Variants in SYNE2 observed in about 807,000 individuals in gnomAD.
SYNE2 encodes nesprin-2.
In SYNE2, 431 loss-of-function variants were observed where a neutral mutation model predicts 856.3. The observed-to-expected ratio is 0.50, with a 90% confidence interval of 0.47 to 0.55. SYNE2 has a LOEUF of 0.55. Ranked by LOEUF, SYNE2 falls within the 20% of genes least tolerant of loss-of-function variation. SYNE2 has a pLI of 0.00. For missense variants in SYNE2, 8,129 were observed against 8,023.2 expected (o/e 1.01, Z -0.50); for synonymous variants, 2,923 against 2,872.3 (o/e 1.02, Z -0.56).
chr14:63,887,395 G>A (rs1283192654), intron 1 of SYNE2, among the ~76,000 whole-genome samples: 1 of 152,116 alleles, frequency 6.6e-6, no homozygotes, highest in Admixed American at 6.5e-5. Flanking sequence ...TTTCCATACC[G>A]TCAGAGAACA....
chr14:64,143,700 C>T (rs1292120090), intron 82 of SYNE2, 72 bp from the exon 83 acceptor site: 16 of 1,539,118 alleles, frequency 1.0e-5, no homozygotes, highest in Non-Finnish European at 1.4e-5. Flanking sequence ...CCCCCTCGAG[C>T]ACATAAAGGG....
intron 2 of SYNE2, among the ~76,000 whole-genome samples, chr14:63,935,668 G>A (rs2095821518): frequency 6.6e-6 from 1 of 152,128 alleles, no homozygotes. Flanking sequence ...AACTCATAAA[G>A]GTAGATTTGC....
At chr14:63,798,779 C>T (rs890935890) in intron 1 of SYNE2, among the ~76,000 whole-genome samples, 4 of 152,108 alleles carry the variant, frequency 2.6e-5, no homozygotes, top group African/African-American at 9.7e-5. Flanking sequence ...TATCTCCAAG[C>T]ATGTTTAAGA....
At chr14:64,060,751 C>G (rs1360057443) in intron 49 of SYNE2, among the ~76,000 whole-genome samples, 2 of 152,132 alleles carry the variant, frequency 1.3e-5, no homozygotes, top group African/African-American at 2.4e-5. Context: ...GTCTCGACAA[C>G]CTTTCAAGTT....
chr14:63,807,691 G>A (rs1420163744), intron 1 of SYNE2, among the ~76,000 whole-genome samples: 1 of 147,298 alleles, frequency 6.8e-6, no homozygotes, highest in Non-Finnish European at 1.5e-5. Flanking sequence ...TTGAAACAAG[G>A]TGTCACTCTG....
chr14:63,831,977 G>A (rs1889685149), intron 1 of SYNE2, among the ~76,000 whole-genome samples: 1 of 151,828 alleles, frequency 6.6e-6, no homozygotes, highest in Non-Finnish European at 1.5e-5. Flanking sequence ...TATAGACACT[G>A]TGTTTAGATT....
chr14:63,841,882 G>C (rs1261552113), intron 1 of SYNE2, among the ~76,000 whole-genome samples: 1 of 140,264 alleles, frequency 7.1e-6, no homozygotes, highest in African/African-American at 2.7e-5. Context: ...GCCCAGGCTG[G>C]AGTGCAGTGG....
At chr14:64,072,399 G>A (rs75451765) in intron 52 of SYNE2, among the ~76,000 whole-genome samples, 8 of 152,234 alleles carry the variant, frequency 5.3e-5, no homozygotes, top group South Asian at 4.1e-4. Context: ...CTATCCACCC[G>A]GAGACAGCAT....
chr14:63,838,430 A>T (rs1466080379), intron 1 of SYNE2, among the ~76,000 whole-genome samples: 2 of 152,152 alleles, frequency 1.3e-5, no homozygotes, highest in South Asian at 4.1e-4. Context: ...TTATAAGTAA[A>T]TTATTCATTA....
Position 64,048,357 on chromosome 14 carries a change from G to A in SYNE2, c.7377+202G>A, listed in dbSNP as rs1890907. ...ATTTAGAAAGTAGAAGAGTTAAAGG[G>A]ACATTAGTCTTCTTTCTATTTCACA... On this transcript the variant is annotated intron_variant, in intron 46 of 115. Coordinates refer to ENST00000555002, the MANE Select transcript of SYNE2 (RefSeq NM_182914.3). The A allele has an allele frequency of 0.91, 404,114 of 443,632 alleles. 184,455 individuals are homozygous for A. Among genetic ancestry groups the A allele is most frequent in the Non-Finnish European group, 0.94 (237,405 of 252,870 alleles). The allele number at this position is 443,632 out of a possible 1,614,324, so 27.5% of individuals were successfully genotyped here. A position where few individuals can be genotyped will look rare whatever the true frequency, so the allele number is the denominator to read the frequency against.
chr14:63,763,634 G>T (rs1432008453), intron 1 of SYNE2, among the ~76,000 whole-genome samples: 3 of 152,184 alleles, frequency 2.0e-5, no homozygotes, highest in South Asian at 2.1e-4. Flanking sequence ...AGGATTGCTT[G>T]ATACCAGGAG....
intron 51 of SYNE2, among the ~76,000 whole-genome samples, chr14:64,070,188 G>A (rs1047140771): frequency 6.6e-6 from 1 of 152,172 alleles, no homozygotes; most frequent in Non-Finnish European, 1.5e-5. Context: ...GTGTGTCAGG[G>A]TAATGAGAAC....
intron 1 of SYNE2, among the ~76,000 whole-genome samples, chr14:63,862,094 T>A (rs142413932): frequency 2.2e-4 from 34 of 152,316 alleles, no homozygotes; most frequent in African/African-American, 7.5e-4. Flanking sequence ...ATAATTGGAT[T>A]TTAAATTATT....
chr14:64,183,747 C>G (rs1156519832), intron 96 of SYNE2, among the ~76,000 whole-genome samples: 2 of 152,058 alleles, frequency 1.3e-5, no homozygotes, highest in Non-Finnish European at 2.9e-5. Flanking sequence ...AACTCCGTCT[C>G]CACCAAAAAA....
intron 53 of SYNE2, 115 bp from the exon 54 acceptor site, chr14:64,075,830 C>A: frequency 1.7e-6 from 2 of 1,145,582 alleles, no homozygotes; most frequent in Non-Finnish European, 2.6e-6. Flanking sequence ...GGGGTTTTGT[C>A]ATGCAAACTG....
In SYNE2 at chr14:64,137,817, GC is replaced by G; in HGVS notation, c.14680del (p.Arg4894GlyfsTer6). ...QIKRNIGGKH[A>X]RLYQTLNEGK... ...AAAAAGAAACATTGGTGGAAAACAC[GC>G]CCGGCTTTACCAAACTCTGAACGAA... On this transcript the variant is annotated frameshift_variant, in exon 79 of 116. Coordinates refer to ENST00000555002, the MANE Select transcript of SYNE2 (RefSeq NM_182914.3). LOFTEE classifies it high-confidence loss of function. 1 of 1,614,106 alleles carries G rather than the reference GC, an allele frequency of 6.2e-7. No individual in the cohort carries two copies. The highest frequency in any genetic ancestry group is 8.5e-7 in the Non-Finnish European group (1 of 1,180,010).
intron 100 of SYNE2, among the ~76,000 whole-genome samples, chr14:64,206,831 T>C (rs994857380): frequency 3.2e-5 from 3 of 92,810 alleles, no homozygotes; most frequent in African/African-American, 2.5e-4. Flanking sequence ...TATTAATGAT[T>C]AGTATTATTT....
chr14:64,091,776 G>T (rs1173398055), intron 60 of SYNE2, among the ~76,000 whole-genome samples: 1 of 152,214 alleles, frequency 6.6e-6, no homozygotes, highest in East Asian at 1.9e-4. Context: ...GAAAGTTGCA[G>T]AAAGTCTGCA....
At chr14:63,853,719 G>A (rs1891010051) in intron 1 of SYNE2, among the ~76,000 whole-genome samples, 1 of 151,640 alleles carries the variant, frequency 6.6e-6, no homozygotes, top group South Asian at 2.1e-4. Context: ...TGGAGAGGGC[G>A]CGGGGACGGG....
Sources: allele counts gnomAD v4.1 joint callset (sites outside exome capture counted in the v4.1 genomes callset), GRCh38; gene constraint gnomAD v4.1.1; transcripts MANE v1.5; gene names NCBI Gene and HGNC (gene_info 2026-07-23, HGNC 2026-07-21).